Variants in NTM observed in about 807,000 individuals in gnomAD.
The protein encoded by NTM is neurotrimin, also known as IgLON family member 2.
A neutral mutation model predicts 42.1 loss-of-function variants in NTM; 13 were observed. That is an observed-to-expected ratio of 0.31 (90% confidence interval 0.20 to 0.49). The LOEUF is 0.49. Ranked by LOEUF, NTM falls within the 20% of genes least tolerant of loss-of-function variation. The pLI is 0.99. For synonymous variants in NTM, 187 were observed against 179.2 expected, an observed-to-expected ratio of 1.04 and a Z score of -0.35; for missense variants, 373 against 452.8, an observed-to-expected ratio of 0.82 and a Z score of 1.60.
intron 1 of NTM, among the ~76,000 whole-genome samples, chr11:131,396,846 TG>T: frequency 6.7e-6 from 1 of 148,676 alleles, no homozygotes; most frequent in Non-Finnish European, 1.5e-5. Flanking sequence ...AAAAAAAAAA[TG>T]GGGAACATAA....
chr11:131,675,748 G>T (rs919641926), intron 1 of NTM, among the ~76,000 whole-genome samples: 1 of 152,152 alleles, frequency 6.6e-6, no homozygotes, highest in Non-Finnish European at 1.5e-5. Flanking sequence ...TGACTTAGAA[G>T]ACCCTCTGCC....
At chr11:132,103,853 G>T (rs1048269402) in intron 2 of NTM, among the ~76,000 whole-genome samples, 2 of 152,192 alleles carry the variant, frequency 1.3e-5, no homozygotes, top group African/African-American at 4.8e-5. Context: ...AGAGCAAGGA[G>T]CCTGACACAC....
At chr11:131,779,308 T>G (rs990865491) in intron 1 of NTM, among the ~76,000 whole-genome samples, 2 of 152,182 alleles carry the variant, frequency 1.3e-5, no homozygotes, top group Non-Finnish European at 2.9e-5. Flanking sequence ...CCATAACAAC[T>G]ATGAGATAAT....
chr11:131,963,598 G>A (rs1218666287), intron 2 of NTM, among the ~76,000 whole-genome samples: 1 of 152,200 alleles, frequency 6.6e-6, no homozygotes, highest in African/African-American at 2.4e-5. Flanking sequence ...GCAGGTTATT[G>A]TTGGAGCTCT....
chr11:132,076,690 G>A (rs1297704020), intron 2 of NTM, among the ~76,000 whole-genome samples: 1 of 152,084 alleles, frequency 6.6e-6, no homozygotes, highest in Non-Finnish European at 1.5e-5. Flanking sequence ...ATGTTTTTGA[G>A]TCCCACACCA....
At chr11:132,313,041 T>C (rs1167001167) in intron 6 of NTM, among the ~76,000 whole-genome samples, 1 of 152,140 alleles carries the variant, frequency 6.6e-6, no homozygotes, top group Non-Finnish European at 1.5e-5. Context: ...AGATGTTGGG[T>C]GAGAACTCCG....
intron 1 of NTM, among the ~76,000 whole-genome samples, chr11:131,726,395 TC>T (rs1271455307): frequency 2.1e-5 from 3 of 145,028 alleles, no homozygotes; most frequent in Admixed American, 6.7e-5. Flanking sequence ...TCCTGGCCCC[TC>T]TCACACTTGG....
intron 1 of NTM, among the ~76,000 whole-genome samples, chr11:131,391,839 A>G (rs1186279767): frequency 1.3e-5 from 2 of 152,052 alleles, no homozygotes; most frequent in Non-Finnish European, 2.9e-5. Context: ...CAAAATATAT[A>G]GGGTCCAAGC....
At chr11:131,569,666 C>T (rs1160283560) in intron 1 of NTM, among the ~76,000 whole-genome samples, 1 of 147,798 alleles carries the variant, frequency 6.8e-6, no homozygotes, top group African/African-American at 2.5e-5. Flanking sequence ...CATTCTCAAA[C>T]TCCTGGGCTC....
chr11:131,832,469 C>T lies in NTM; in HGVS notation c.83-79095C>T, dbSNP rs190054967. ...TATCATGATTCTAAAGACTCACTAG[C>T]AGTCAAGAATTTACTATAAGCCTTA... On this transcript the variant is annotated intron_variant, in intron 1 of 8. Transcript: ENST00000683400. 2.4e-3 allele frequency among the ~76,000 whole-genome samples: 359 copies of T among 152,290 alleles called. 2 individuals carry two copies. The highest frequency in any genetic ancestry group is 8.4e-3 in the African/African-American group (348 of 41,556).
chr11:131,811,309 A>G (rs1397813851), intron 1 of NTM, among the ~76,000 whole-genome samples: 1 of 152,222 alleles, frequency 6.6e-6, no homozygotes, highest in Non-Finnish European at 1.5e-5. Flanking sequence ...TCTCATCATC[A>G]TTTAGAAATA....
intron 1 of NTM, among the ~76,000 whole-genome samples, chr11:131,386,820 T>C (rs113352341): frequency 5.9e-5 from 9 of 152,326 alleles, no homozygotes; most frequent in African/African-American, 2.2e-4. Flanking sequence ...CTCTGGACTT[T>C]AACTAAAAAT....
At chr11:131,600,147 C>T (rs560851392) in intron 1 of NTM, among the ~76,000 whole-genome samples, 23 of 152,138 alleles carry the variant, frequency 1.5e-4, no homozygotes, top group Non-Finnish European at 3.1e-4. Flanking sequence ...TGTTCGGACC[C>T]TCCTCCCAGC....
intron 2 of NTM, among the ~76,000 whole-genome samples, chr11:131,914,000 C>T (rs936960256): frequency 6.6e-6 from 1 of 152,174 alleles, no homozygotes; most frequent in Non-Finnish European, 1.5e-5. Context: ...GGATTGCCCT[C>T]CTTCTCAGAC....
At chr11:132,123,481 A>G (rs1043514626) in intron 2 of NTM, among the ~76,000 whole-genome samples, 4 of 152,224 alleles carry the variant, frequency 2.6e-5, no homozygotes, top group African/African-American at 7.2e-5. Flanking sequence ...TGTGTGGTCC[A>G]TTGCATAGAA....
At chr11:132,116,237 G>A (rs2063871108) in intron 2 of NTM, among the ~76,000 whole-genome samples, 1 of 152,158 alleles carries the variant, frequency 6.6e-6, no homozygotes, top group African/African-American at 2.4e-5. Context: ...CACTCCATAG[G>A]GCTGGAGGGA....
intron 1 of NTM, among the ~76,000 whole-genome samples, chr11:131,620,214 CT>C (rs2062385190): frequency 6.6e-6 from 1 of 152,308 alleles, no homozygotes; most frequent in South Asian, 2.1e-4. Context: ...ATAAAGTTTT[CT>C]TTACAGACAT....
chr11:131,805,764 A>C (rs1019028385), intron 1 of NTM, among the ~76,000 whole-genome samples: 2 of 152,208 alleles, frequency 1.3e-5, no homozygotes, highest in African/African-American at 4.8e-5. Flanking sequence ...ACAATATCTT[A>C]TTCACATTTC....
chr11:131,701,463 G>A (rs1274236218), intron 1 of NTM, among the ~76,000 whole-genome samples: 1 of 152,142 alleles, frequency 6.6e-6, no homozygotes, highest in South Asian at 2.1e-4. Flanking sequence ...AACTGGGCAT[G>A]GTAGATGGGC....
Sources: allele counts gnomAD v4.1 joint callset (sites outside exome capture counted in the v4.1 genomes callset), GRCh38; gene constraint gnomAD v4.1.1; transcripts MANE v1.5; gene names NCBI Gene and HGNC (gene_info 2026-07-23, HGNC 2026-07-21).